The following USP36 variants were observed in gnomAD, a reference collection of about 807,000 sequenced individuals.
The protein encoded by USP36 is ubiquitin carboxyl-terminal hydrolase 36.
In USP36, 59 loss-of-function variants were observed where a neutral mutation model predicts 111.5. The ratio of observed to expected loss-of-function variants is 0.53; its 90% CI spans 0.43 to 0.66. The LOEUF (loss-of-function observed/expected upper bound fraction) is 0.66. USP36 is among the 30% of genes least tolerant of loss of function. USP36 has a pLI of 0.00. For missense variants in USP36, 1,488 were observed against 1,468.0 expected, an observed-to-expected ratio of 1.01 and a Z score of -0.22; for synonymous variants, 628 against 581.0, an observed-to-expected ratio of 1.08 and a Z score of -1.16.
chr17:78,815,907 C>T (rs1418803866), intron 10 of USP36, among the ~76,000 whole-genome samples: 1 of 152,040 alleles, frequency 6.6e-6, no homozygotes, highest in Non-Finnish European at 1.5e-5. Flanking sequence ...CATGCACGCA[C>T]ACATGCATAC....
At chr17:78,799,196 C>A (rs753998679) in intron 18 of USP36, among the ~76,000 whole-genome samples, 173 bp from the exon 19 acceptor site, 1 of 152,196 alleles carries the variant, frequency 6.6e-6, no homozygotes, top group Non-Finnish European at 1.5e-5. Context: ...CATGTGTGGT[C>A]GGTCAGCATG....
chr17:78,835,113 C>G (rs147080650), intron 4 of USP36, among the ~76,000 whole-genome samples, 167 bp downstream of exon 4: 1 of 151,976 alleles, frequency 6.6e-6, no homozygotes, highest in Admixed American at 6.6e-5. Flanking sequence ...ACCTTCATGG[C>G]CCATTCTGCA....
intron 13 of USP36, among the ~76,000 whole-genome samples, chr17:78,811,227 T>A (rs534205975): frequency 6.8e-6 from 1 of 147,972 alleles, no homozygotes; most frequent in South Asian, 2.2e-4. Context: ...TGCTCATGAA[T>A]CCACTTAGTG....
chr17:78,819,310 G>A (rs2094262129), intron 9 of USP36, among the ~76,000 whole-genome samples: 1 of 152,196 alleles, frequency 6.6e-6, no homozygotes, highest in African/African-American at 2.4e-5. Flanking sequence ...GCCGGCTGTA[G>A]TAGTGTGATC....
chr17:78,807,777 T>C (rs2093948161), intron 13 of USP36, 141 bp from the exon 14 acceptor site: 1 of 893,204 alleles, frequency 1.1e-6, no homozygotes, highest in Non-Finnish European at 1.6e-6. Context: ...ATCTGGACTC[T>C]TGGTAAAGAC....
At position 78,827,144 on chromosome 17, in the gene USP36, G is replaced by A. The variant is rs1385554893; in HGVS notation, c.689+101C>T. On this transcript the variant is annotated intron_variant, in intron 6 of 20. Transcript: ENST00000449938. ...CCACGTCTACCCAAGGGCAGCCTGGGTAGAAAGGTGCCGGGCTGGCTGTTG... is the reference window on the plus strand; with the variant it reads ...CCACGTCTACCCAAGGGCAGCCTGGATAGAAAGGTGCCGGGCTGGCTGTTG... 12 of 1,302,014 alleles carry A rather than the reference G, an allele frequency of 9.2e-6. No homozygotes were observed. The Admixed American group carries it at 1.2e-4, about 13-fold the overall frequency. The allele number at this position is 1,302,014 out of a possible 1,614,324, so 80.7% of individuals were successfully genotyped here.
intron 11 of USP36, among the ~76,000 whole-genome samples, 181 bp from the exon 12 acceptor site, chr17:78,814,054 A>C (rs908769578): frequency 6.6e-6 from 1 of 152,162 alleles, no homozygotes; most frequent in Admixed American, 6.6e-5. Context: ...TGTGACCCCA[A>C]AGTGTGCTCT....
At chr17:78,804,502 A>C (rs866309904) in intron 15 of USP36, among the ~76,000 whole-genome samples, 66 of 151,128 alleles carry the variant, frequency 4.4e-4, no homozygotes, top group Middle Eastern at 6.8e-3. Context: ...AAACAAAAAA[A>C]AAAAAACAAA....
chr17:78,815,967 C>T (rs1250786456), intron 10 of USP36, among the ~76,000 whole-genome samples: 3 of 151,992 alleles, frequency 2.0e-5, no homozygotes, highest in South Asian at 2.1e-4. Flanking sequence ...CATATACATA[C>T]ACACACATAT....
At chr17:78,792,540 C>G (rs977923084), downstream of USP36, among the ~76,000 whole-genome samples, 4 of 152,166 alleles carry the variant, frequency 2.6e-5, no homozygotes, top group Admixed American at 1.3e-4. Context: ...GACTATTGGA[C>G]ATGCACATTC....
At chr17:78,806,920 T>C (rs973787935) in intron 14 of USP36, 39 bp downstream of exon 14, 2 of 1,601,554 alleles carry the variant, frequency 1.2e-6, no homozygotes, top group Admixed American at 1.7e-5. Context: ...CTTGGAGCTC[T>C]CCTGATACAC....
At position 78,796,133 on chromosome 17, in the gene USP36, A is replaced by G. The variant is rs1002739848; in HGVS notation, c.*1767T>C. 22 of 152,224 alleles carry G rather than the reference A, an allele frequency of 1.4e-4. No individual in the cohort carries two copies. Among genetic ancestry groups the G allele is most frequent in the African/African-American group, 5.3e-4 (22 of 41,426 alleles). 9.4% of individuals were successfully genotyped at this position (152,224 alleles called of 1,614,324 possible). On this transcript the variant is annotated 3_prime_UTR_variant, in exon 21 of 21. Coordinates refer to ENST00000449938, the MANE Select transcript of USP36 (RefSeq NM_001385174.1). Reference sequence around the variant, plus strand: ...TATGTACCCCAGGAAAAGGTTTTACAGTTATCTAGTGGAGAAGGGAAGAGA... The same window carrying G: ...TATGTACCCCAGGAAAAGGTTTTACGGTTATCTAGTGGAGAAGGGAAGAGA...
chr17:78,801,874 C>A (rs2144982802), intron 17 of USP36, among the ~76,000 whole-genome samples: 1 of 152,346 alleles, frequency 6.6e-6, no homozygotes, highest in South Asian at 2.1e-4. Context: ...GCACTGTAAC[C>A]TCTCTCATGG....
intron 3 of USP36, among the ~76,000 whole-genome samples, chr17:78,789,197 CAAAAAAAA>C (rs869247026): frequency 7.7e-4 from 51 of 65,904 alleles, no homozygotes; most frequent in Non-Finnish European, 5.1e-4. Context: ...AACTTGGTCC[CAAAAAAAA>C]AAAAAAAAAA....
At chr17:78,814,383 A>G (rs2094134405) in intron 11 of USP36, 29 bp downstream of exon 11, 2 of 1,612,328 alleles carry the variant, frequency 1.2e-6, no homozygotes, top group African/African-American at 2.7e-5. Context: ...CTGTCCCAGG[A>G]GGCAGCTGCA....
At chr17:78,838,288 C>T (rs2068866950) in intron 2 of USP36, among the ~76,000 whole-genome samples, 1 of 148,094 alleles carries the variant, frequency 6.8e-6, no homozygotes, top group East Asian at 2.0e-4. Context: ...CAGAGAATTG[C>T]TTGAACACGG....
In USP36 at chr17:78,796,837, T is replaced by G. The variant is rs1281137973; in HGVS notation, c.*1063A>C. On this transcript the variant is annotated 3_prime_UTR_variant, in exon 21 of 21. Coordinates refer to ENST00000449938, the MANE Select transcript of USP36 (RefSeq NM_001385174.1). ...AGGATGTTCACGGTCACCTTCACAC[T>G]TCCCACTACTATGAGGGCATTTGTC... 1.3e-5 allele frequency: 2 copies of G among 152,274 alleles called. No individual in the cohort carries two copies. The highest frequency in any genetic ancestry group is 4.8e-5 in the African/African-American group (2 of 41,466). The allele number at this position is 152,274 out of a possible 1,614,324, so 9.4% of individuals were successfully genotyped here. A position where few individuals can be genotyped will look rare whatever the true frequency, so the allele number is the denominator to read the frequency against.
intron 10 of USP36, among the ~76,000 whole-genome samples, chr17:78,816,847 G>A (rs574790572): frequency 6.6e-6 from 1 of 152,270 alleles, no homozygotes; most frequent in African/African-American, 2.4e-5. Flanking sequence ...AGATCAAAGA[G>A]TTTTGACAAG....
Position 78,807,480 on chromosome 17 carries a change from G to A in USP36, c.1564C>T (p.Pro522Ser). ...TCTAGGATGGTTGGCATGTGTGTGGGTGTCTGGGAGAGTTTGGGGGAAGGG... is the reference window on the plus strand; with the variant it reads ...TCTAGGATGGTTGGCATGTGTGTGGATGTCTGGGAGAGTTTGGGGGAAGGG... ...GSPSPKLSQT[P>S]THMPTILDDP... Residue 522 changes from proline (P) to serine (S), a missense_variant, in exon 14 of 21, where the codon CCC (proline) becomes TCC (serine). Physicochemically the swap from Pro to Ser is moderately conservative, Grantham distance 74. Transcript: ENST00000449938. 4 of 1,614,064 alleles carry A rather than the reference G, an allele frequency of 2.5e-6. No homozygotes were observed. Among genetic ancestry groups the A allele is most frequent in the Non-Finnish European group, 3.4e-6 (4 of 1,179,962 alleles).
Sources: allele counts gnomAD v4.1 joint callset (sites outside exome capture counted in the v4.1 genomes callset), GRCh38; gene constraint gnomAD v4.1.1; transcripts MANE v1.5; gene names NCBI Gene and HGNC (gene_info 2026-07-23, HGNC 2026-07-21).